CNOT2: variants seen among roughly 807,000 people sequenced by gnomAD.
CNOT2 encodes CCR4-NOT transcription complex subunit 2.
A neutral mutation model predicts 72.1 loss-of-function variants in CNOT2; 7 were observed. The observed-to-expected ratio is 0.10, with a 90% CI of 0.06 to 0.18. The LOEUF (loss-of-function observed/expected upper bound fraction) is 0.18. Among genes scored for constraint, CNOT2 ranks in the 10% least tolerant of loss-of-function variants. CNOT2 has a pLI of 1.00. For synonymous variants in CNOT2, 196 were observed against 225.6 expected (o/e 0.87, Z 1.17); for missense variants, 345 against 660.3 (o/e 0.52, Z 5.23).
chr12:70,256,319 A>G (rs1169625270), intron 1 of CNOT2, among the ~76,000 whole-genome samples: 1 of 152,198 alleles, frequency 6.6e-6, no homozygotes, highest in Non-Finnish European at 1.5e-5. Flanking sequence ...GATTTGGAAC[A>G]TCTGATTCAA....
intron 2 of CNOT2, among the ~76,000 whole-genome samples, chr12:70,283,478 T>C (rs1033896474): frequency 1.3e-5 from 2 of 149,956 alleles, no homozygotes; most frequent in African/African-American, 2.5e-5. Flanking sequence ...GATAGATAGA[T>C]AGATAGATAG....
chr12:70,271,244 C>G (rs1250820770), intron 1 of CNOT2, among the ~76,000 whole-genome samples: 1 of 152,004 alleles, frequency 6.6e-6, no homozygotes, highest in African/African-American at 2.4e-5. Context: ...TTTTTTCTTT[C>G]TTTCCTAGAA....
chr12:70,354,761 C>G lies in CNOT2; in HGVS notation c.*846C>G, dbSNP rs1471739082. ...TATATGAAAATGGGACATTCTGGAA[C>G]TGCTGGTCAGGGGACTTTGTCGCCC... On this transcript the variant is annotated 3_prime_UTR_variant, in exon 16 of 16. Transcript: ENST00000229195. 6.6e-6 allele frequency: 1 copy of G among 152,548 alleles called. No homozygotes were observed. The highest frequency in any genetic ancestry group is 1.5e-5 in the Non-Finnish European group (1 of 68,024). The allele number at this position is 152,548 out of a possible 1,614,324, so 9.4% of individuals were successfully genotyped here. A position where few individuals can be genotyped will look rare whatever the true frequency, so the allele number is the denominator to read the frequency against.
At chr12:70,290,032 C>CT (rs1222369368) in intron 2 of CNOT2, among the ~76,000 whole-genome samples, 1 of 151,520 alleles carries the variant, frequency 6.6e-6, no homozygotes, top group Non-Finnish European at 1.5e-5. Context: ...ACATCCTTTT[C>CT]TTTTTTTTCT....
intron 1 of CNOT2, among the ~76,000 whole-genome samples, chr12:70,245,213 G>C (rs916418262): frequency 2.0e-5 from 3 of 152,082 alleles, no homozygotes; most frequent in Non-Finnish European, 4.4e-5. Context: ...AATTTGTTTA[G>C]TTTGTAGTTC....
intron 2 of CNOT2, among the ~76,000 whole-genome samples, chr12:70,296,712 A>G (rs1260608988): frequency 6.6e-6 from 1 of 151,410 alleles, no homozygotes; most frequent in East Asian, 1.9e-4. Context: ...TTAAGAAGCT[A>G]GAATTTTTTT....
intron 2 of CNOT2, among the ~76,000 whole-genome samples, chr12:70,292,498 A>G (rs1872093572): frequency 6.6e-6 from 1 of 152,222 alleles, no homozygotes; most frequent in Non-Finnish European, 1.5e-5. Context: ...CTGGATGTCT[A>G]GAGGAAGAGC....
chr12:70,330,386 G>T lies in CNOT2; in HGVS notation c.486G>T (p.Gly162=), dbSNP rs746831273. The change falls in exon 6 of 16, where the codon GGG becomes GGT. Residue 162 remains glycine (G), a synonymous_variant. Transcript: ENST00000229195. ...GGACAAATAGCATGAGCAGTTCAGG[G>T]TTAGGTAGCCCCAACAGAAGCTCGC... ...PSRTNSMSSS[G]LGSPNRSSPS... The T allele has an allele frequency of 1.2e-6, 2 of 1,612,438 alleles. No homozygotes were observed. Among genetic ancestry groups the T allele is most frequent in the South Asian group, 1.1e-5 (1 of 91,034 alleles).
chr12:70,347,216 G>A (rs189676208), intron 15 of CNOT2, among the ~76,000 whole-genome samples: 148 of 151,970 alleles, frequency 9.7e-4, no homozygotes, highest in African/African-American at 3.5e-3. Context: ...TTTTTTGTTT[G>A]TTTGTAGTTT....
intron 13 of CNOT2, among the ~76,000 whole-genome samples, chr12:70,342,687 T>C (rs995976959): frequency 6.6e-6 from 1 of 152,212 alleles, no homozygotes; most frequent in African/African-American, 2.4e-5. Context: ...GACTTTTCTC[T>C]GTATTTTTTC....
chr12:70,289,806 ATGTC>A (rs1442941287), intron 2 of CNOT2, among the ~76,000 whole-genome samples: 1 of 151,880 alleles, frequency 6.6e-6, no homozygotes, highest in Non-Finnish European at 1.5e-5. Context: ...AATAGAAACT[ATGTC>A]TGTTTCTATT....
Position 70,253,776 on chromosome 12 carries a change from A to G in CNOT2, c.-96+10296A>G, listed in dbSNP as rs893672796. Among the ~76,000 whole-genome samples, 3 of 152,204 alleles carry G rather than the reference A, an allele frequency of 2.0e-5. No individual in the cohort carries two copies. In the East Asian group the frequency reaches 5.8e-4, roughly 29 times the overall value. On this transcript the variant is annotated intron_variant, in intron 1 of 15. Transcript: ENST00000229195. The stretch of plus-strand genomic sequence containing the variant: ...TATTAGTTACTGTAGTGAAACTAGT[A>G]TAGTAGTTTCCCCTTAATTCAAGGG...
intron 1 of CNOT2, among the ~76,000 whole-genome samples, chr12:70,262,133 A>C (rs991666784): frequency 1.3e-5 from 2 of 151,076 alleles, no homozygotes; most frequent in African/African-American, 2.4e-5. Context: ...AAAGTTTGTC[A>C]ATCTCTTTAT....
chr12:70,309,743 G>T (rs891908773), intron 2 of CNOT2, among the ~76,000 whole-genome samples: 2 of 152,000 alleles, frequency 1.3e-5, no homozygotes, highest in Non-Finnish European at 2.9e-5. Flanking sequence ...ATTGACATTG[G>T]TTTACCTTGA....
chr12:70,327,688 T>C (rs1301877709), intron 4 of CNOT2: 1 of 151,908 alleles, frequency 6.6e-6, no homozygotes, highest in Non-Finnish European at 1.5e-5. Flanking sequence ...ACAGCATGTT[T>C]AGGGAGTAGA....
At chr12:70,329,301 C>A in intron 4 of CNOT2, 122 bp from the exon 5 acceptor site, 3 of 597,330 alleles carry the variant, frequency 5.0e-6, no homozygotes, top group South Asian at 2.5e-5. Flanking sequence ...CGAATATATC[C>A]ATTTAAAATT....
chr12:70,351,911 G>C (rs996515332), intron 15 of CNOT2, among the ~76,000 whole-genome samples: 1 of 152,148 alleles, frequency 6.6e-6, no homozygotes, highest in African/African-American at 2.4e-5. Flanking sequence ...TCTGGTGTTT[G>C]CTAATTTTTA....
chr12:70,318,567 A>G (rs1479875070), intron 3 of CNOT2, among the ~76,000 whole-genome samples: 1 of 151,858 alleles, frequency 6.6e-6, no homozygotes, highest in African/African-American at 2.4e-5. Context: ...CACTCTATAG[A>G]GTATTCCTGA....
intron 1 of CNOT2, among the ~76,000 whole-genome samples, chr12:70,276,820 C>T (rs1480765093): frequency 6.6e-6 from 1 of 151,920 alleles, no homozygotes; most frequent in African/African-American, 2.4e-5. Context: ...TTTGGCTAAA[C>T]GTACACTGTA....
Sources: allele counts gnomAD v4.1 joint callset (sites outside exome capture counted in the v4.1 genomes callset), GRCh38; gene constraint gnomAD v4.1.1; transcripts MANE v1.5; gene names NCBI Gene and HGNC (gene_info 2026-07-23, HGNC 2026-07-21).